GALNT18: variants seen among roughly 807,000 people sequenced by gnomAD.
GALNT18 encodes the protein GalNAc-transferase 18.
Under a neutral mutation model 69.5 loss-of-function variants are expected in GALNT18, and 44 were observed. The ratio of observed to expected loss-of-function variants is 0.63; its 90% CI spans 0.50 to 0.81. GALNT18 has a LOEUF of 0.81. Ranked by LOEUF, GALNT18 falls within the 40% of genes least tolerant of loss-of-function variation. The probability of loss-of-function intolerance (pLI) is 0.00; values close to 1 mark genes in which losing one functional copy is unlikely to be tolerated. For missense variants in GALNT18, 715 were observed against 810.0 expected, an observed-to-expected ratio of 0.88 and a Z score of 1.42; for synonymous variants, 364 against 318.2, an observed-to-expected ratio of 1.14 and a Z score of -1.53.
chr11:11,448,874 G>A lies in GALNT18; in HGVS notation c.298C>T (p.His100Tyr). The A allele has an allele frequency of 6.2e-7, 1 of 1,607,864 alleles. No homozygotes were observed. Among genetic ancestry groups the A allele is most frequent in the Non-Finnish European group, 8.5e-7 (1 of 1,177,232 alleles). The part of the protein sequence containing the change: ...EPFTDSSLFA[H>Y]WGQELSPEGR... Reference sequence around the variant, plus strand: ...TCGGGGCTGAGCTCCTGGCCCCAGTGTGCAAACAGAGAGGAGTCTGTGAAG... The same window carrying A: ...TCGGGGCTGAGCTCCTGGCCCCAGTATGCAAACAGAGAGGAGTCTGTGAAG... The change falls in exon 2 of 11, where the codon CAC (histidine) becomes TAC (tyrosine). Residue 100 changes from histidine (H) to tyrosine (Y), a missense_variant. Transcript: ENST00000227756.
Position 11,451,060 on chromosome 11 carries a change from T to G in GALNT18, c.236-2124A>C, listed in dbSNP as rs1042588069. Among the ~76,000 whole-genome samples, 3 of 152,228 alleles carry G rather than the reference T, an allele frequency of 2.0e-5. No individual in the cohort carries two copies. In the South Asian group the frequency reaches 6.2e-4, roughly 32 times the overall value. On this transcript the variant is annotated intron_variant, in intron 1 of 10. Coordinates refer to ENST00000227756, the MANE Select transcript of GALNT18 (RefSeq NM_198516.3). ...GCAAAGTCGGAAAATTTAAACAGAT[T>G]AGGATATACTGAAGAATAAAATGCA...
intron 7 of GALNT18, among the ~76,000 whole-genome samples, chr11:11,334,073 T>C (rs1376806663): frequency 2.8e-4 from 43 of 152,272 alleles, no homozygotes; most frequent in Admixed American, 2.8e-3. Context: ...ACCGACACTG[T>C]GGTCCATATG....
intron 1 of GALNT18, among the ~76,000 whole-genome samples, chr11:11,553,198 C>G (rs111811951): frequency 6.6e-6 from 1 of 152,234 alleles, no homozygotes; most frequent in Non-Finnish European, 1.5e-5. Context: ...GAGAACCACT[C>G]TGAAGTTTGG....
intron 1 of GALNT18, among the ~76,000 whole-genome samples, chr11:11,529,809 A>G (rs1857603340): frequency 6.6e-6 from 1 of 152,176 alleles, no homozygotes; most frequent in Non-Finnish European, 1.5e-5. Flanking sequence ...TTAGAGATTG[A>G]CCACATATGT....
At position 11,600,850 on chromosome 11, in the gene GALNT18, A is replaced by G. The variant is rs1384055397; in HGVS notation, c.235+20509T>C. Reference sequence around the variant, plus strand: ...TTCATTCTCTTTTTCTCTTTTTTTCAGATGTGGTAATCTCTATTGATCTAT... The same window carrying G: ...TTCATTCTCTTTTTCTCTTTTTTTCGGATGTGGTAATCTCTATTGATCTAT... On this transcript the variant is annotated intron_variant, in intron 1 of 10. Transcript: ENST00000227756. The surrounding 1 kb of genome is among the most constrained non-coding windows in gnomAD (Gnocchi z 4.8). Among the ~76,000 whole-genome samples the G allele has an allele frequency of 6.6e-6, 1 of 151,616 alleles. No individual in the cohort carries two copies. Among genetic ancestry groups the G allele is most frequent in the African/African-American group, 2.4e-5 (1 of 41,260 alleles).
rs1439048372 is a variant in GALNT18, at chr11:11,603,759, GA to G, written c.235+17599del. On this transcript the variant is annotated intron_variant, in intron 1 of 10. Transcript: ENST00000227756. The surrounding 1 kb of genome is among the most constrained non-coding windows in gnomAD (Gnocchi z 4.5). ...CATGGACTAAGGTCTCCCAAGAGGGGAAAAGGGGGACAGAAATTACTGAAAT... is the reference window on the plus strand; with the variant it reads ...CATGGACTAAGGTCTCCCAAGAGGGGAAAGGGGGACAGAAATTACTGAAAT... Among the ~76,000 whole-genome samples, 5 of 152,286 alleles carry G rather than the reference GA, an allele frequency of 3.3e-5. No individual in the cohort carries two copies. Among genetic ancestry groups the G allele is most frequent in the Admixed American group, 2.0e-4 (3 of 15,292 alleles).
intron 9 of GALNT18, among the ~76,000 whole-genome samples, chr11:11,321,641 C>T (rs756947187): frequency 5.3e-5 from 8 of 152,292 alleles, no homozygotes; most frequent in East Asian, 1.9e-4. Context: ...CTCACTCTGT[C>T]GCTCAGGCTG....
intron 1 of GALNT18, among the ~76,000 whole-genome samples, chr11:11,460,228 G>A (rs1045942069): frequency 1.3e-5 from 2 of 152,200 alleles, no homozygotes; most frequent in Non-Finnish European, 2.9e-5. Context: ...CCAGGGATTA[G>A]GATGTGTACA....
At chr11:11,407,766 T>C (rs1854623756) in intron 3 of GALNT18, among the ~76,000 whole-genome samples, 1 of 151,852 alleles carries the variant, frequency 6.6e-6, no homozygotes, top group South Asian at 2.1e-4. Flanking sequence ...CAAACAAAGG[T>C]TTGGAAAGCT....
intron 6 of GALNT18, among the ~76,000 whole-genome samples, chr11:11,345,277 A>G (rs2133061196): frequency 6.6e-6 from 1 of 152,342 alleles, no homozygotes; most frequent in Non-Finnish European, 1.5e-5. Flanking sequence ...TGGACTCAGC[A>G]TGTTTACCCT....
chr11:11,341,784 C>T lies in GALNT18; in HGVS notation c.1093-780G>A, dbSNP rs928931987. ...TTCTGCTGGTAATTTTAGAATGCCC[C>T]ACTGCCCCCAACTCCTTCTTCAGCT... On this transcript the variant is annotated intron_variant, in intron 6 of 10. Transcript: ENST00000227756. This position sits in a 1 kb window ranked among gnomAD's most constrained non-coding sequence, Gnocchi z 6.3. Among the ~76,000 whole-genome samples, 7 of 152,054 alleles carry T rather than the reference C, an allele frequency of 4.6e-5. No individual in the cohort carries two copies. The South Asian group carries it at 1.0e-3, about 23-fold the overall frequency.
chr11:11,516,223 C>T (rs1857272590), intron 1 of GALNT18, among the ~76,000 whole-genome samples: 1 of 152,156 alleles, frequency 6.6e-6, no homozygotes, highest in Admixed American at 6.5e-5. Flanking sequence ...CACTGAAGAG[C>T]AAACACCTTT....
intron 5 of GALNT18, among the ~76,000 whole-genome samples, chr11:11,375,314 T>C (rs1159170483): frequency 6.6e-6 from 1 of 152,194 alleles, no homozygotes; most frequent in Non-Finnish European, 1.5e-5. Context: ...AAGTTTTTGA[T>C]AAAAATTGGG....
intron 1 of GALNT18, among the ~76,000 whole-genome samples, chr11:11,528,919 G>C (rs1000631258): frequency 6.6e-6 from 1 of 152,242 alleles, no homozygotes. Context: ...TGAAAGATAA[G>C]AAGTGTCATT....
chr11:11,439,530 C>T lies in GALNT18; in HGVS notation c.429-6743G>A, dbSNP rs180893069. On this transcript the variant is annotated intron_variant, in intron 2 of 10. Transcript: ENST00000227756. This position sits in a 1 kb window ranked among gnomAD's most constrained non-coding sequence, Gnocchi z 4.4. ...TCACAGATTCTGCTTTTCTTTCATGCCATGTACATGCTATTGCAACATGTT... is the reference window on the plus strand; with the variant it reads ...TCACAGATTCTGCTTTTCTTTCATGTCATGTACATGCTATTGCAACATGTT... Among the ~76,000 whole-genome samples the T allele has an allele frequency of 8.5e-4, 130 of 152,304 alleles. No homozygotes were observed. The highest frequency in any genetic ancestry group is 6.8e-3 in the Middle Eastern group (2 of 294).
chr11:11,506,982 C>T (rs1213752968), intron 1 of GALNT18, among the ~76,000 whole-genome samples: 1 of 152,200 alleles, frequency 6.6e-6, no homozygotes, highest in African/African-American at 2.4e-5. Context: ...CAGGGTCGCT[C>T]CCAATAGAAA....
At chr11:11,414,435 A>G (rs888997929) in intron 3 of GALNT18, among the ~76,000 whole-genome samples, 2 of 152,116 alleles carry the variant, frequency 1.3e-5, no homozygotes, top group African/African-American at 4.8e-5. Flanking sequence ...TGTGGCTCTG[A>G]GACCATGTTA....
chr11:11,372,771 C>G lies in GALNT18; in HGVS notation c.978-142G>C, dbSNP rs913399888. 8.9e-5 allele frequency: 63 copies of G among 704,304 alleles called. No individual in the cohort carries two copies. In the South Asian group the frequency reaches 1.0e-3, roughly 12 times the overall value. The allele number at this position is 704,304 out of a possible 1,614,324, so 43.6% of individuals were successfully genotyped here. ...AGTGTGAGCCTTGTTCTTGGAGTGG[C>G]CCCTGGGTCTGGCCTCACCCAACCA... On this transcript the variant is annotated intron_variant, in intron 5 of 10. Coordinates refer to ENST00000227756, the MANE Select transcript of GALNT18 (RefSeq NM_198516.3). The surrounding 1 kb of genome is among the most constrained non-coding windows in gnomAD (Gnocchi z 4.9).
rs1186529859 is a variant in GALNT18, at chr11:11,586,986, C to A, written c.235+34373G>T. Among the ~76,000 whole-genome samples the A allele has an allele frequency of 6.7e-6, 1 of 149,028 alleles. No homozygotes were observed. Among genetic ancestry groups the A allele is most frequent in the Admixed American group, 6.6e-5 (1 of 15,096 alleles). On this transcript the variant is annotated intron_variant, in intron 1 of 10. Coordinates refer to ENST00000227756, the MANE Select transcript of GALNT18 (RefSeq NM_198516.3). This position sits in a 1 kb window ranked among gnomAD's most constrained non-coding sequence, Gnocchi z 4.1. ...CTGGGGAACAAGAGTGAAACCCCATCTCCAAATAAATAAATAAATAAATAA... is the reference window on the plus strand; with the variant it reads ...CTGGGGAACAAGAGTGAAACCCCATATCCAAATAAATAAATAAATAAATAA...
Sources: gnomAD v4.1 joint callset for allele counts (sites outside exome capture counted in the v4.1 genomes callset) on GRCh38, gnomAD v4.1.1 for gene constraint, Gnocchi (gnomAD v3.1) non-coding constraint, MANE v1.5 for transcripts, NCBI Gene and HGNC (gene_info 2026-07-23, HGNC 2026-07-21) for gene names.